The following FSTL4 variants were observed in gnomAD, a reference collection of about 807,000 sequenced individuals.
FSTL4 encodes the protein follistatin-related protein 4.
In FSTL4, 28 loss-of-function variants were observed where a neutral mutation model predicts 78.2. That is an observed-to-expected ratio of 0.36 (90% CI 0.27 to 0.49). The LOEUF (loss-of-function observed/expected upper bound fraction) is 0.49. Ranked by LOEUF, FSTL4 falls within the 20% of genes least tolerant of loss-of-function variation. The pLI, the probability that FSTL4 is intolerant of heterozygous loss-of-function variation, is 0.98. For synonymous variants in FSTL4, 422 were observed against 440.5 expected (o/e 0.96, Z 0.53); for missense variants, 922 against 1,084.9 (o/e 0.85, Z 2.11).
At chr5:133,370,227 G>C (rs576112738) in intron 4 of FSTL4, among the ~76,000 whole-genome samples, 2 of 152,270 alleles carry the variant, frequency 1.3e-5, no homozygotes, top group African/African-American at 4.8e-5. Flanking sequence ...TTTCTGCCCA[G>C]AGTTCTCTGC....
At chr5:133,487,238 C>T (rs1758156389) in intron 3 of FSTL4, among the ~76,000 whole-genome samples, 1 of 152,236 alleles carries the variant, frequency 6.6e-6, no homozygotes, top group Non-Finnish European at 1.5e-5. Flanking sequence ...GCCCTTACAT[C>T]TCCCTGCACT....
At chr5:133,629,007 T>C in the FSTL4 span, among the ~76,000 whole-genome samples, 2 of 140,038 alleles carry the variant, frequency 1.4e-5, no homozygotes, top group African/African-American at 2.7e-5. Flanking sequence ...TCCGATACTA[T>C]GTTGAATAGA....
chr5:133,695,407 G>A, the FSTL4 span, among the ~76,000 whole-genome samples: 2 of 152,128 alleles, frequency 1.3e-5, no homozygotes, highest in East Asian at 3.9e-4. Flanking sequence ...AATGTCAGAA[G>A]GGAAGGCAGG....
At chr5:133,398,836 C>T (rs6596124) in intron 4 of FSTL4, among the ~76,000 whole-genome samples, 7,765 of 152,176 alleles carry the variant, frequency 0.051, 658 homozygotes, top group African/African-American at 0.18. Context: ...GCACCACTCT[C>T]CACCAAAAAG....
At chr5:133,751,380 C>A in the FSTL4 span, among the ~76,000 whole-genome samples, 1 of 152,214 alleles carries the variant, frequency 6.6e-6, no homozygotes, top group Non-Finnish European at 1.5e-5. Flanking sequence ...TTTGTCATTC[C>A]AGTGGCCTAG....
chr5:133,234,137 G>A (rs562040629), intron 7 of FSTL4, among the ~76,000 whole-genome samples: 1 of 152,314 alleles, frequency 6.6e-6, no homozygotes, highest in South Asian at 2.1e-4. Flanking sequence ...ATGGGCTGCA[G>A]TTGGCCTGCC....
chr5:133,829,520 A>C, the FSTL4 span, among the ~76,000 whole-genome samples: 1 of 152,214 alleles, frequency 6.6e-6, no homozygotes. Flanking sequence ...TATATTGAGC[A>C]CTTACTGTGT....
At chr5:133,640,734 CAT>C in the FSTL4 span, among the ~76,000 whole-genome samples, 9 of 152,164 alleles carry the variant, frequency 5.9e-5, 1 homozygote, top group South Asian at 4.1e-4. Context: ...TGAACACAAT[CAT>C]ACTCACCCTG....
At chr5:133,713,549 C>A in the FSTL4 span, among the ~76,000 whole-genome samples, 1 of 152,156 alleles carries the variant, frequency 6.6e-6, no homozygotes, top group Non-Finnish European at 1.5e-5. Context: ...AGGATAGATG[C>A]ACTGAATCAA....
chr5:133,379,803 AC>A (rs1329350067), intron 4 of FSTL4, among the ~76,000 whole-genome samples: 5 of 152,348 alleles, frequency 3.3e-5, no homozygotes, highest in African/African-American at 1.2e-4. Context: ...CAGGCCAGGC[AC>A]AGTGGCTCAT....
chr5:133,818,702 A>AG, the FSTL4 span, among the ~76,000 whole-genome samples: 1 of 150,722 alleles, frequency 6.6e-6, no homozygotes, highest in Non-Finnish European at 1.5e-5. Flanking sequence ...CACCAATTTC[A>AG]GGGGAGGCTT....
intron 4 of FSTL4, among the ~76,000 whole-genome samples, chr5:133,383,518 C>G (rs1755624505): frequency 6.6e-6 from 1 of 152,164 alleles, no homozygotes; most frequent in Admixed American, 6.5e-5. Flanking sequence ...TGCCCACTTC[C>G]CTGGAAGGAG....
At chr5:133,765,883 T>G in the FSTL4 span, among the ~76,000 whole-genome samples, 5 of 152,116 alleles carry the variant, frequency 3.3e-5, no homozygotes, top group South Asian at 1.0e-3. Context: ...CAGCTGAAAT[T>G]AAAATTGTAA....
At chr5:133,701,502 CA>C in the FSTL4 span, among the ~76,000 whole-genome samples, 20 of 134,058 alleles carry the variant, frequency 1.5e-4, no homozygotes, top group African/African-American at 2.4e-4. Context: ...CACACACACA[CA>C]CACACACCCC....
At chr5:133,748,588 A>G in the FSTL4 span, among the ~76,000 whole-genome samples, 13 of 152,264 alleles carry the variant, frequency 8.5e-5, no homozygotes, top group Middle Eastern at 6.8e-3. Context: ...CACACACAAA[A>G]TAAGACAAAA....
the FSTL4 span, among the ~76,000 whole-genome samples, chr5:133,772,235 A>T: frequency 1.4e-3 from 216 of 152,338 alleles, no homozygotes; most frequent in African/African-American, 4.9e-3. Context: ...GGAAATAAAG[A>T]TTGCTCATAG....
the FSTL4 span, among the ~76,000 whole-genome samples, chr5:133,683,239 C>A: frequency 6.6e-6 from 1 of 152,170 alleles, no homozygotes; most frequent in Non-Finnish European, 1.5e-5. Flanking sequence ...GCAGGGAGGG[C>A]ACCAGTGGAC....
intron 4 of FSTL4, among the ~76,000 whole-genome samples, chr5:133,371,883 C>A (rs995917157): frequency 2.0e-5 from 3 of 152,242 alleles, no homozygotes; most frequent in Non-Finnish European, 4.4e-5. Context: ...ACAGCCTCGG[C>A]TGCTGCTTGT....
the FSTL4 span, among the ~76,000 whole-genome samples, chr5:133,667,119 G>A: frequency 0.65 from 98,690 of 152,054 alleles, 32,899 homozygotes; most frequent in African/African-American, 0.8. Flanking sequence ...AACTTTCTCC[G>A]TCTCGACAAA....
Sources: allele counts gnomAD v4.1 joint callset (sites outside exome capture counted in the v4.1 genomes callset), GRCh38; gene constraint gnomAD v4.1.1; transcripts MANE v1.5; gene names NCBI Gene and HGNC (gene_info 2026-07-23, HGNC 2026-07-21).